Variants in UTP20 observed in about 807,000 individuals in gnomAD.
UTP20 encodes UTP20 small subunit processome component, also known as small subunit processome component 20 homolog.
In UTP20, 164 loss-of-function variants were observed where a neutral mutation model predicts 329.5. That is an observed-to-expected ratio of 0.50 (90% confidence interval 0.44 to 0.57). The LOEUF (loss-of-function observed/expected upper bound fraction) is 0.57. Among genes scored for constraint, UTP20 ranks in the 20% least tolerant of loss-of-function variants. The probability of loss-of-function intolerance (pLI) is 0.00; values close to 1 mark genes in which losing one functional copy is unlikely to be tolerated. For synonymous variants in UTP20, 1,151 were observed against 1,159.3 expected (o/e 0.99, Z 0.14); for missense variants, 3,055 against 3,284.2 (o/e 0.93, Z 1.71).
At chr12:101,314,644 C>T (rs1029076661) in intron 21 of UTP20, among the ~76,000 whole-genome samples, 4 of 141,960 alleles carry the variant, frequency 2.8e-5, no homozygotes, top group African/African-American at 8.2e-5. Flanking sequence ...GGCGACAGAG[C>T]GAGACTCTGT....
In UTP20 at chr12:101,381,047, C is replaced by T. The variant is rs74440761; in HGVS notation, c.7585-93C>T. On this transcript the variant is annotated intron_variant, in intron 57 of 61. Transcript: ENST00000261637. ...TGGTCATTCAGAGCAAAATCCAGTACGTTAGTTGTATTACAGTTATTATGT... is the reference window on the plus strand; with the variant it reads ...TGGTCATTCAGAGCAAAATCCAGTATGTTAGTTGTATTACAGTTATTATGT... 1.8e-3 allele frequency: 1,967 copies of T among 1,085,350 alleles called. 29 individuals are homozygous for T. The African/African-American group carries it at 0.027, about 15-fold the overall frequency. The allele number at this position is 1,085,350 out of a possible 1,614,324, so 67.2% of individuals were successfully genotyped here. A position where few individuals can be genotyped will look rare whatever the true frequency, so the allele number is the denominator to read the frequency against.
intron 18 of UTP20, 112 bp from the exon 19 acceptor site, chr12:101,309,651 C>T (rs1456054921): frequency 1.0e-6 from 1 of 985,602 alleles, no homozygotes. Flanking sequence ...TCTTATCGCA[C>T]AGGCTTCTTT....
chr12:101,326,076 A>C (rs532615649), intron 25 of UTP20, among the ~76,000 whole-genome samples: 317 of 152,344 alleles, frequency 2.1e-3, no homozygotes, highest in Middle Eastern at 3.4e-3. Flanking sequence ...TCAAAGTGCA[A>C]GATAGATGGA....
intron 11 of UTP20, among the ~76,000 whole-genome samples, chr12:101,294,986 A>G (rs1872301659): frequency 6.6e-6 from 1 of 152,182 alleles, no homozygotes; most frequent in Admixed American, 6.5e-5. Flanking sequence ...TTAGCAGCTC[A>G]ATTTTTCTTT....
At chr12:101,356,015 C>T (rs574575870) in intron 41 of UTP20, among the ~76,000 whole-genome samples, 89 of 152,296 alleles carry the variant, frequency 5.8e-4, no homozygotes, top group Non-Finnish European at 1.1e-3. Flanking sequence ...AACATTCTTA[C>T]ACCTGTTATT....
intron 36 of UTP20, among the ~76,000 whole-genome samples, chr12:101,345,155 A>G (rs1869281837): frequency 6.6e-6 from 1 of 152,048 alleles, no homozygotes; most frequent in Non-Finnish European, 1.5e-5. Context: ...CATGTTGGCC[A>G]AGCTGGTCCC....
intron 37 of UTP20, among the ~76,000 whole-genome samples, chr12:101,346,008 T>C (rs1188906400): frequency 6.6e-6 from 1 of 152,126 alleles, no homozygotes; most frequent in African/African-American, 2.4e-5. Context: ...AAGGCACAGG[T>C]GTTTGCTCTT....
At chr12:101,317,335 T>C (rs1873002479) in intron 21 of UTP20, 143 bp from the exon 22 acceptor site, 11 of 802,698 alleles carry the variant, frequency 1.4e-5, no homozygotes, top group Non-Finnish European at 2.1e-5. Flanking sequence ...AAGAGTAATA[T>C]TGTGGAAGCT....
chr12:101,373,520 C>T, intron 53 of UTP20, 50 bp downstream of exon 53: 1 of 1,613,508 alleles, frequency 6.2e-7, no homozygotes, highest in Non-Finnish European at 8.5e-7. Context: ...GTCCTCAGTC[C>T]CCCTTTGCTA....
intron 47 of UTP20, 58 bp downstream of exon 47, chr12:101,366,757 C>A: frequency 6.4e-7 from 1 of 1,559,896 alleles, no homozygotes; most frequent in South Asian, 1.2e-5. Context: ...ACCTTTTAGT[C>A]TTCTGTTGAA....
intron 25 of UTP20, among the ~76,000 whole-genome samples, chr12:101,323,184 T>G (rs555447044): frequency 6.6e-6 from 1 of 152,364 alleles, no homozygotes; most frequent in African/African-American, 2.4e-5. Context: ...AATGTGATTC[T>G]TCATCATATA....
At chr12:101,352,492 A>G (rs867461239) in intron 39 of UTP20, among the ~76,000 whole-genome samples, 1 of 142,122 alleles carries the variant, frequency 7.0e-6, no homozygotes, top group Non-Finnish European at 1.6e-5. Flanking sequence ...TCCAAAAATG[A>G]TGAGTTCATG....
intron 40 of UTP20, among the ~76,000 whole-genome samples, chr12:101,354,102 T>C (rs1340436561): frequency 6.6e-6 from 1 of 151,188 alleles, no homozygotes; most frequent in Non-Finnish European, 1.5e-5. Flanking sequence ...CTCTACTAAA[T>C]ATACAAAAAA....
At chr12:101,334,988 A>G (rs1393825961) in intron 29 of UTP20, among the ~76,000 whole-genome samples, 1 of 152,082 alleles carries the variant, frequency 6.6e-6, no homozygotes, top group East Asian at 1.9e-4. Flanking sequence ...AAAAAAAGAT[A>G]AAAAGATAAA....
intron 4 of UTP20, 29 bp from the exon 5 acceptor site, chr12:101,286,292 A>C: frequency 6.5e-7 from 1 of 1,530,176 alleles, no homozygotes; most frequent in Non-Finnish European, 8.8e-7. Flanking sequence ...AAAAATCCAC[A>C]TGATCAGTTG....
intron 5 of UTP20, 37 bp from the exon 6 acceptor site, chr12:101,288,923 T>G: frequency 1.3e-6 from 2 of 1,541,588 alleles, no homozygotes; most frequent in Non-Finnish European, 1.8e-6. Context: ...TACAATTATA[T>G]GATTAATGAA....
At chr12:101,322,990 A>G (rs1868422082) in intron 25 of UTP20, among the ~76,000 whole-genome samples, 2 of 152,244 alleles carry the variant, frequency 1.3e-5, no homozygotes, top group Non-Finnish European at 2.9e-5. Context: ...TAAATTTCTA[A>G]GAGTAAAAAG....
chr12:101,358,211 A>G (rs760143946), intron 43 of UTP20, among the ~76,000 whole-genome samples: 11 of 152,152 alleles, frequency 7.2e-5, no homozygotes, highest in Non-Finnish European at 1.6e-4. Context: ...TAGTTGCTCT[A>G]TCGATTACCA....
intron 15 of UTP20, among the ~76,000 whole-genome samples, chr12:101,304,202 C>T (rs942416427): frequency 6.6e-6 from 1 of 152,142 alleles, no homozygotes; most frequent in Non-Finnish European, 1.5e-5. Flanking sequence ...CTTTGCTATG[C>T]TAGTAGACTG....
Sources: gnomAD v4.1 joint callset for allele counts (sites outside exome capture counted in the v4.1 genomes callset) on GRCh38, gnomAD v4.1.1 for gene constraint, MANE v1.5 for transcripts, NCBI Gene and HGNC (gene_info 2026-07-23, HGNC 2026-07-21) for gene names.